Variants in TBC1D22B observed in about 807,000 individuals in gnomAD.
TBC1D22B encodes chromosome 6 open reading frame 197.
Under a neutral mutation model 69.1 loss-of-function variants are expected in TBC1D22B, and 32 were observed. The ratio of observed to expected loss-of-function variants is 0.46; its 90% CI spans 0.35 to 0.62. The LOEUF (loss-of-function observed/expected upper bound fraction) is 0.62. TBC1D22B is among the 20% of genes least tolerant of loss of function. TBC1D22B has a pLI of 0.00. For missense variants in TBC1D22B, 462 were observed against 630.9 expected (o/e 0.73, Z 2.87); for synonymous variants, 206 against 229.8 (o/e 0.90, Z 0.94).
intron 8 of TBC1D22B, among the ~76,000 whole-genome samples, chr6:37,291,849 T>C (rs1257465015): frequency 2.6e-5 from 4 of 152,142 alleles, no homozygotes; most frequent in Non-Finnish European, 4.4e-5. Context: ...TTCTCCCCAC[T>C]CCTTCTTCAC....
intron 2 of TBC1D22B, 35 bp downstream of exon 2, chr6:37,269,685 GCTGTCACCC>G (rs1268878156): frequency 6.3e-7 from 1 of 1,598,548 alleles, no homozygotes. Flanking sequence ...TCTATCTACT[GCTGTCACCC>G]CTATACCCTC....
At chr6:37,293,079 TTATTA>T (rs1414790188) in intron 8 of TBC1D22B, among the ~76,000 whole-genome samples, 3 of 141,606 alleles carry the variant, frequency 2.1e-5, no homozygotes, top group African/African-American at 9.3e-5. Context: ...ATTATTATTA[TTATTA>T]TTTTTTTTTT....
intron 8 of TBC1D22B, among the ~76,000 whole-genome samples, chr6:37,297,372 A>G (rs574699416): frequency 1.3e-5 from 2 of 152,332 alleles, no homozygotes; most frequent in South Asian, 4.1e-4. Context: ...CAGTAACATT[A>G]CACTGGTTTT....
At chr6:37,271,684 T>A (rs1766486998) in intron 2 of TBC1D22B, among the ~76,000 whole-genome samples, 1 of 152,206 alleles carries the variant, frequency 6.6e-6, no homozygotes, top group Admixed American at 6.5e-5. Flanking sequence ...ATATCAAATA[T>A]GCATTATCAG....
intron 12 of TBC1D22B, among the ~76,000 whole-genome samples, chr6:37,323,009 G>A (rs79144597): frequency 2.0e-5 from 3 of 152,116 alleles, no homozygotes; most frequent in South Asian, 2.1e-4. Flanking sequence ...TATGAAGAGC[G>A]TGTGCCTGAG....
At chr6:37,283,532 C>T (rs1766907610) in intron 5 of TBC1D22B, among the ~76,000 whole-genome samples, 1 of 152,220 alleles carries the variant, frequency 6.6e-6, no homozygotes, top group African/African-American at 2.4e-5. Flanking sequence ...AAACCACAGT[C>T]CCCACTCTCC....
intron 12 of TBC1D22B, 74 bp from the exon 13 acceptor site, chr6:37,330,970 G>T: frequency 6.4e-7 from 1 of 1,558,942 alleles, no homozygotes; most frequent in Non-Finnish European, 8.8e-7. Context: ...CTAGGCCTTG[G>T]TCTCTAAGAA....
At chr6:37,260,369 A>G (rs532013671) in intron 1 of TBC1D22B, among the ~76,000 whole-genome samples, 1 of 152,326 alleles carries the variant, frequency 6.6e-6, no homozygotes, top group African/African-American at 2.4e-5. Flanking sequence ...GGTTCTTTCC[A>G]TTTGTCTGAT....
rs561069166 is a variant in TBC1D22B at position 37,304,957 on chromosome 6, C to A, written c.983-7961C>A. On this transcript the variant is annotated intron_variant, in intron 8 of 12. Transcript: ENST00000373491. The stretch of plus-strand genomic sequence containing the variant: ...TGGGAGCAGGAGGCAGGTTTTAAAC[C>A]GGGTGGTGAGCCGCCTTCACACTGA... Among the ~76,000 whole-genome samples, 6 of 152,288 alleles carry A rather than the reference C, an allele frequency of 3.9e-5. No homozygotes were observed. The East Asian group carries it at 1.2e-3, about 29-fold the overall frequency.
intron 7 of TBC1D22B, among the ~76,000 whole-genome samples, chr6:37,290,789 T>A (rs916571047): frequency 1.3e-5 from 2 of 151,168 alleles, no homozygotes; most frequent in African/African-American, 2.4e-5. Context: ...GAGGGGAGGG[T>A]GGTAGAAAAG....
In TBC1D22B at chr6:37,312,948, A is replaced by G. The variant is rs1767961427; in HGVS notation, c.1013A>G (p.Asn338Ser). The G allele has an allele frequency of 1.2e-6, 2 of 1,614,156 alleles. No homozygotes were observed. Among genetic ancestry groups the G allele is most frequent in the Non-Finnish European group, 1.7e-6 (2 of 1,180,008 alleles). ...EEDVENFDVTNLSQDMLRSIE... is the reference protein window; with the variant it reads ...EEDVENFDVTSLSQDMLRSIE... The stretch of plus-strand genomic sequence containing the variant: ...GATGTGGAGAACTTTGACGTGACCA[A>G]CTTGTCTCAAGACATGCTGCGAAGC... Residue 338 changes from asparagine to serine, a missense_variant, in exon 9 of 13, where the codon AAC (asparagine) becomes AGC (serine). Around this residue, in one of 2 missense-constraint regions of TBC1D22B, gnomAD observed 225 missense variants for 375.4 expected, o/e 0.60. Coordinates refer to ENST00000373491, the MANE Select transcript of TBC1D22B (RefSeq NM_017772.4).
In TBC1D22B at chr6:37,310,605, C is replaced by G. The variant is rs192351315; in HGVS notation, c.983-2313C>G. ...ATTGCTTGAACCTGGAAGGTAGAGG[C>G]TGCAGTGAGCTGAGATCGTGCCATT... On this transcript the variant is annotated intron_variant, in intron 8 of 12. Transcript: ENST00000373491. Among the ~76,000 whole-genome samples, 110 of 152,224 alleles carry G rather than the reference C, an allele frequency of 7.2e-4. 1 individual carries two copies. The South Asian group carries it at 0.015, about 20-fold the overall frequency.
At chr6:37,273,200 A>AG (rs1315520574) in intron 2 of TBC1D22B, among the ~76,000 whole-genome samples, 100 of 151,964 alleles carry the variant, frequency 6.6e-4, no homozygotes, top group African/African-American at 2.3e-3. Flanking sequence ...AAAAAAAAAA[A>AG]AAAAACGAGA....
At chr6:37,303,530 C>T (rs541335439) in intron 8 of TBC1D22B, among the ~76,000 whole-genome samples, 1 of 152,270 alleles carries the variant, frequency 6.6e-6, no homozygotes, top group Non-Finnish European at 1.5e-5. Context: ...CCGGTTTTAT[C>T]TCCTTCAAAC....
At chr6:37,260,855 TATAC>T (rs1375352343) in intron 1 of TBC1D22B, among the ~76,000 whole-genome samples, 1 of 152,240 alleles carries the variant, frequency 6.6e-6, no homozygotes, top group Admixed American at 6.5e-5. Context: ...TATTCCATAG[TATAC>T]ATACACCACA....
chr6:37,329,019 G>A (rs946489500), intron 12 of TBC1D22B, among the ~76,000 whole-genome samples: 1 of 148,500 alleles, frequency 6.7e-6, no homozygotes, highest in Admixed American at 6.8e-5. Flanking sequence ...GAGCCACTGC[G>A]CCCAGCCCAG....
Position 37,284,458 on chromosome 6 carries a change from C to A in TBC1D22B, c.795C>A (p.Tyr265Ter). 1 of 1,579,492 alleles carries A rather than the reference C, an allele frequency of 6.3e-7. No homozygotes were observed. Among genetic ancestry groups the A allele is most frequent in the African/African-American group, 1.4e-5 (1 of 73,828 alleles). Reference protein sequence around the residue: ...SRNEEHHQDTYRQIHIDIPRT... With the variant: ...SRNEEHHQDT ...ACGAGGAACATCACCAGGATACCTACAGACAGGTACAGTCACCACCTGCTG... is the reference window on the plus strand; with the variant it reads ...ACGAGGAACATCACCAGGATACCTAAAGACAGGTACAGTCACCACCTGCTG... Residue 265 changes from tyrosine (Y) to a stop codon, truncating the protein, a stop_gained, in exon 6 of 13, where the codon TAC (tyrosine) becomes TAA (stop). Transcript: ENST00000373491. LOFTEE classifies it high-confidence loss of function.
intron 5 of TBC1D22B, among the ~76,000 whole-genome samples, chr6:37,283,153 A>G (rs1290169699): frequency 6.6e-6 from 1 of 152,202 alleles, no homozygotes; most frequent in Admixed American, 6.5e-5. Context: ...GTAGTGGTAC[A>G]CAGACTTGTA....
intron 2 of TBC1D22B, among the ~76,000 whole-genome samples, chr6:37,277,361 T>C (rs1766699551): frequency 6.6e-6 from 1 of 152,134 alleles, no homozygotes; most frequent in Non-Finnish European, 1.5e-5. Flanking sequence ...AGGTGGTAGA[T>C]CAGGTCCCCT....
Sources: gnomAD v4.1 joint callset for allele counts (sites outside exome capture counted in the v4.1 genomes callset) on GRCh38, gnomAD v4.1.1 for gene constraint, gnomAD v4.1.1 regional missense constraint, MANE v1.5 for transcripts, NCBI Gene and HGNC (gene_info 2026-07-23, HGNC 2026-07-21) for gene names.